The following DAB1 variants were observed in gnomAD, a reference collection of about 807,000 sequenced individuals.
The protein encoded by DAB1 is DAB adaptor protein 1.
A neutral mutation model predicts 64.6 loss-of-function variants in DAB1; 15 were observed. That is an observed-to-expected ratio of 0.23 (90% confidence interval 0.16 to 0.36). DAB1 has a LOEUF of 0.36. Ranked by LOEUF, DAB1 falls within the 10% of genes least tolerant of loss-of-function variation. The probability of loss-of-function intolerance (pLI) is 1.00; values close to 1 mark genes in which losing one functional copy is unlikely to be tolerated. For synonymous variants in DAB1, 235 were observed against 251.9 expected (o/e 0.93, Z 0.64); for missense variants, 596 against 706.7 (o/e 0.84, Z 1.78).
chr1:57,093,429 A>G (rs899428884), intron 4 of DAB1, among the ~76,000 whole-genome samples: 4 of 152,156 alleles, frequency 2.6e-5, no homozygotes, highest in South Asian at 4.1e-4. Flanking sequence ...ATCTTCCACC[A>G]GCAATGGAGT....
At chr1:57,102,114 C>A (rs556535998) in intron 4 of DAB1, among the ~76,000 whole-genome samples, 1 of 152,138 alleles carries the variant, frequency 6.6e-6, no homozygotes. Context: ...CAATGCAGTG[C>A]GGTCTTTGGA....
chr1:58,344,368 GCTGACAA>G (rs1251727474), intron 3 of DAB1, among the ~76,000 whole-genome samples: 2 of 152,118 alleles, frequency 1.3e-5, no homozygotes, highest in Non-Finnish European at 2.9e-5. Flanking sequence ...TGATGGTATT[GCTGACAA>G]TCACTTCATT....
intron 7 of DAB1, among the ~76,000 whole-genome samples, chr1:57,447,360 C>T (rs1686179680): frequency 6.6e-6 from 1 of 152,166 alleles, no homozygotes; most frequent in African/African-American, 2.4e-5. Flanking sequence ...ACTCTGATCA[C>T]CCTCTTAAGA....
At chr1:57,604,217 G>T (rs562796613) in intron 7 of DAB1, among the ~76,000 whole-genome samples, 2 of 152,252 alleles carry the variant, frequency 1.3e-5, no homozygotes, top group South Asian at 4.1e-4. Context: ...TCAAGTCTAG[G>T]CTCCAAAACC....
At chr1:57,683,077 T>C (rs991560494) in intron 6 of DAB1, among the ~76,000 whole-genome samples, 14 of 152,276 alleles carry the variant, frequency 9.2e-5, no homozygotes, top group African/African-American at 2.9e-4. Context: ...CATCCTGGCA[T>C]CCCAGCACTG....
intron 1 of DAB1, among the ~76,000 whole-genome samples, chr1:57,374,084 A>G (rs1451912641): frequency 6.6e-6 from 1 of 152,248 alleles, no homozygotes; most frequent in East Asian, 1.9e-4. Flanking sequence ...ATCTGCTGAC[A>G]CAGGCATGCT....
intron 7 of DAB1, among the ~76,000 whole-genome samples, chr1:57,434,592 C>T (rs1685622724): frequency 6.6e-6 from 1 of 152,274 alleles, no homozygotes; most frequent in Non-Finnish European, 1.5e-5. Context: ...CGTTTAACGA[C>T]AGGGATATGC....
At chr1:58,210,309 C>T (rs1159178001) in intron 4 of DAB1, among the ~76,000 whole-genome samples, 1 of 152,104 alleles carries the variant, frequency 6.6e-6, no homozygotes, top group Non-Finnish European at 1.5e-5. Flanking sequence ...GGCACAGAAG[C>T]TGGAATTGGT....
intron 7 of DAB1, among the ~76,000 whole-genome samples, chr1:57,438,168 T>C (rs1180080796): frequency 6.6e-6 from 1 of 152,112 alleles, no homozygotes; most frequent in Non-Finnish European, 1.5e-5. Context: ...GTTCAGTCAG[T>C]CATTCTTTGC....
At chr1:57,958,592 G>A (rs1645445050) in intron 5 of DAB1, among the ~76,000 whole-genome samples, 1 of 152,166 alleles carries the variant, frequency 6.6e-6, no homozygotes, top group African/African-American at 2.4e-5. Flanking sequence ...ATTCAGAATA[G>A]GCATTAGGTT....
At chr1:57,056,203 T>A (rs928428550) in intron 9 of DAB1, among the ~76,000 whole-genome samples, 1 of 151,896 alleles carries the variant, frequency 6.6e-6, no homozygotes, top group African/African-American at 2.4e-5. Flanking sequence ...ATTACCACAA[T>A]AAAATGTGGT....
At chr1:58,374,717 A>C (rs979766869) in intron 3 of DAB1, among the ~76,000 whole-genome samples, 1 of 140,946 alleles carries the variant, frequency 7.1e-6, no homozygotes, top group Non-Finnish European at 1.6e-5. Context: ...TTCTGTGAAG[A>C]AAGTCATTGG....
intron 4 of DAB1, among the ~76,000 whole-genome samples, chr1:58,212,648 G>A (rs1166277778): frequency 6.6e-6 from 1 of 152,114 alleles, no homozygotes; most frequent in Non-Finnish European, 1.5e-5. Flanking sequence ...TGCAGCTGGT[G>A]GGGGAAACTT....
At chr1:57,152,349 A>G (rs928625953) in intron 2 of DAB1, among the ~76,000 whole-genome samples, 1 of 152,212 alleles carries the variant, frequency 6.6e-6, no homozygotes, top group Non-Finnish European at 1.5e-5. Flanking sequence ...AAACAAACTA[A>G]TTGCCAACAA....
intron 2 of DAB1, among the ~76,000 whole-genome samples, chr1:57,204,396 A>T (rs1057434641): frequency 1.3e-5 from 2 of 149,732 alleles, no homozygotes; most frequent in Admixed American, 6.8e-5. Flanking sequence ...ACCCTAAGGC[A>T]CCTCCACAGA....
At chr1:58,029,305 A>G (rs763194829) in intron 5 of DAB1, among the ~76,000 whole-genome samples, 1 of 152,230 alleles carries the variant, frequency 6.6e-6, no homozygotes, top group Non-Finnish European at 1.5e-5. Context: ...TACTTACAGT[A>G]TATTTTAGTT....
At chr1:58,300,650 AAGGAAGGAAGGAAGGAAGGAAGG>A (rs1662144187) in intron 4 of DAB1, among the ~76,000 whole-genome samples, 1 of 47,376 alleles carries the variant, frequency 2.1e-5, no homozygotes, top group African/African-American at 8.2e-5. Flanking sequence ...GAGAGAGAGG[AAGGAAGGAAGGAAGGAAGGAAGG>A]AAGGAAGGAA....
At chr1:58,310,329 A>T (rs879365270) in intron 4 of DAB1, among the ~76,000 whole-genome samples, 3 of 152,242 alleles carry the variant, frequency 2.0e-5, no homozygotes, top group Non-Finnish European at 2.9e-5. Flanking sequence ...ACAGAAGAGT[A>T]TTCGGAATAA....
At chr1:58,291,683 T>C (rs1174506834) in intron 4 of DAB1, among the ~76,000 whole-genome samples, 1 of 152,184 alleles carries the variant, frequency 6.6e-6, no homozygotes, top group Non-Finnish European at 1.5e-5. Flanking sequence ...TTAATGCTCA[T>C]AGGAGCAGAA....
Sources: allele counts gnomAD v4.1 joint callset (sites outside exome capture counted in the v4.1 genomes callset), GRCh38; gene constraint gnomAD v4.1.1; transcripts MANE v1.5; gene names NCBI Gene and HGNC (gene_info 2026-07-23, HGNC 2026-07-21).